The following CRPPA variants were observed in gnomAD, a reference collection of about 807,000 sequenced individuals.
CRPPA encodes the protein D-ribitol-5-phosphate cytidylyltransferase.
A neutral mutation model predicts 52.0 loss-of-function variants in CRPPA; 43 were observed. That is an observed-to-expected ratio of 0.83 (90% CI 0.65 to 1.07). The LOEUF is 1.07. Ranked by LOEUF, CRPPA falls within the 50% of genes least tolerant of loss-of-function variation. The probability of loss-of-function intolerance (pLI) is 0.00; values close to 1 mark genes in which losing one functional copy is unlikely to be tolerated. For synonymous variants in CRPPA, 250 were observed against 203.5 expected (o/e 1.23, Z -1.94); for missense variants, 629 against 551.7 (o/e 1.14, Z -1.40).
intron 3 of CRPPA, among the ~76,000 whole-genome samples, chr7:16,326,096 G>C (rs967511660): frequency 2.0e-5 from 3 of 150,516 alleles, no homozygotes; most frequent in Admixed American, 1.3e-4. Context: ...CAGTACTAAG[G>C]CTGAAACATA....
chr7:16,384,747 A>C (rs1039619971), intron 2 of CRPPA, among the ~76,000 whole-genome samples: 1 of 152,324 alleles, frequency 6.6e-6, no homozygotes, highest in African/African-American at 2.4e-5. Context: ...CAACCAAGTC[A>C]TAAACAAATA....
At chr7:16,305,046 C>T (rs1215190987) in intron 4 of CRPPA, among the ~76,000 whole-genome samples, 1 of 152,010 alleles carries the variant, frequency 6.6e-6, no homozygotes, top group Non-Finnish European at 1.5e-5. Context: ...AATTAGGACA[C>T]TAATTTCAAA....
At chr7:16,409,934 T>C (rs1788039131) in intron 1 of CRPPA, among the ~76,000 whole-genome samples, 1 of 152,184 alleles carries the variant, frequency 6.6e-6, no homozygotes, top group Non-Finnish European at 1.5e-5. Context: ...CAGTACATTA[T>C]TTGTTGAAAA....
chr7:16,165,226 GAA>G (rs36095975), intron 9 of CRPPA, among the ~76,000 whole-genome samples: 1,913 of 147,736 alleles, frequency 0.013, 37 homozygotes, highest in African/African-American at 0.044. Flanking sequence ...CCTCCTCCAA[GAA>G]AAAAAAAAAA....
intron 9 of CRPPA, among the ~76,000 whole-genome samples, chr7:16,145,642 T>TAAA (rs1554277790): frequency 6.8e-6 from 1 of 147,890 alleles, no homozygotes; most frequent in Non-Finnish European, 1.5e-5. Context: ...AAAACTATCA[T>TAAA]AAAAAAAAAA....
chr7:16,298,312 T>C (rs77857811), intron 5 of CRPPA, among the ~76,000 whole-genome samples: 11,334 of 152,178 alleles, frequency 0.074, 652 homozygotes, highest in African/African-American at 0.16. Context: ...ATAAGGGAAT[T>C]TGTACAATCT....
chr7:16,317,211 T>C (rs752973840), intron 3 of CRPPA, among the ~76,000 whole-genome samples: 2 of 152,134 alleles, frequency 1.3e-5, no homozygotes, highest in African/African-American at 2.4e-5. Context: ...GTTGTCAGAC[T>C]CTGGACAAGC....
intron 8 of CRPPA, among the ~76,000 whole-genome samples, chr7:16,237,103 C>T (rs951070068): frequency 3.9e-5 from 6 of 152,132 alleles, no homozygotes; most frequent in Admixed American, 2.6e-4. Flanking sequence ...TACTATCATT[C>T]GCCAAGTTTT....
intron 3 of CRPPA, among the ~76,000 whole-genome samples, chr7:16,336,290 C>T (rs1303195128): frequency 1.3e-5 from 2 of 152,014 alleles, no homozygotes; most frequent in Non-Finnish European, 2.9e-5. Flanking sequence ...TTAAACACAA[C>T]TGTAGCTGCA....
intron 5 of CRPPA, among the ~76,000 whole-genome samples, chr7:16,284,706 C>T (rs115288215): frequency 1.3e-5 from 2 of 152,102 alleles, no homozygotes; most frequent in South Asian, 2.1e-4. Context: ...GATGCCCACT[C>T]GTTCTCATTG....
At chr7:16,100,487 A>G (rs1427397316) in intron 9 of CRPPA, among the ~76,000 whole-genome samples, 1 of 152,226 alleles carries the variant, frequency 6.6e-6, no homozygotes, top group African/African-American at 2.4e-5. Context: ...TTGGCTAATT[A>G]ACTCTATAAA....
intron 2 of CRPPA, among the ~76,000 whole-genome samples, chr7:16,383,931 T>C (rs1039130904): frequency 6.6e-6 from 1 of 152,238 alleles, no homozygotes; most frequent in Admixed American, 6.5e-5. Context: ...GGGAACTCCC[T>C]GACCGCTTGC....
chr7:16,139,711 C>A lies in CRPPA; in HGVS notation c.1252-47912G>T, dbSNP rs144545151. ...CCCTTTTGCCTGGTATATAGTAAAC[C>A]CAAGAAAAATCGATCAATAAAGGAA... On this transcript the variant is annotated intron_variant, in intron 9 of 9. Coordinates refer to ENST00000407010, the MANE Select transcript of CRPPA (RefSeq NM_001101426.4). 1.6e-3 allele frequency among the ~76,000 whole-genome samples: 248 copies of A among 151,910 alleles called. 1 individual carries two copies. Among genetic ancestry groups the A allele is most frequent in the Non-Finnish European group, 2.4e-3 (161 of 67,940 alleles).
intron 9 of CRPPA, among the ~76,000 whole-genome samples, chr7:16,119,326 C>T (rs945796644): frequency 4.0e-5 from 6 of 151,850 alleles, no homozygotes; most frequent in African/African-American, 1.2e-4. Flanking sequence ...AATCACACAT[C>T]TCATTGGTAG....
At chr7:16,368,990 T>G (rs1299390522) in intron 3 of CRPPA, among the ~76,000 whole-genome samples, 3 of 152,158 alleles carry the variant, frequency 2.0e-5, no homozygotes, top group Non-Finnish European at 4.4e-5. Flanking sequence ...TGTATACACA[T>G]GAAATTCATC....
At chr7:16,230,996 G>C (rs1782778077) in intron 8 of CRPPA, among the ~76,000 whole-genome samples, 1 of 152,160 alleles carries the variant, frequency 6.6e-6, no homozygotes, top group Non-Finnish European at 1.5e-5. Flanking sequence ...GTCCCACCTA[G>C]TGCTGCAGCT....
intron 8 of CRPPA, among the ~76,000 whole-genome samples, chr7:16,229,676 C>A (rs1200912336): frequency 6.6e-6 from 1 of 152,134 alleles, no homozygotes; most frequent in African/African-American, 2.4e-5. Context: ...GATTTACACA[C>A]AACCATTACA....
At chr7:16,133,068 G>C (rs534674270) in intron 9 of CRPPA, among the ~76,000 whole-genome samples, 1 of 122,530 alleles carries the variant, frequency 8.2e-6, no homozygotes. Flanking sequence ...GAGGTGGGGG[G>C]ATCACTTGAG....
intron 2 of CRPPA, among the ~76,000 whole-genome samples, chr7:16,398,771 T>C (rs796206753): frequency 3.9e-5 from 6 of 152,250 alleles, no homozygotes; most frequent in African/African-American, 1.4e-4. Context: ...ACGTGATACG[T>C]GACTGACACT....
Sources: allele counts gnomAD v4.1 joint callset (sites outside exome capture counted in the v4.1 genomes callset), GRCh38; gene constraint gnomAD v4.1.1; transcripts MANE v1.5; gene names NCBI Gene and HGNC (gene_info 2026-07-23, HGNC 2026-07-21).